The following SLC9A4 variants were observed in gnomAD, a reference collection of about 807,000 sequenced individuals.
The protein encoded by SLC9A4 is sodium/hydrogen exchanger 4.
In SLC9A4, 63 loss-of-function variants were observed where a neutral mutation model predicts 67.4. That is an observed-to-expected ratio of 0.93 (90% CI 0.76 to 1.15). The LOEUF (loss-of-function observed/expected upper bound fraction) is 1.15, where lower values mean the gene tolerates loss of function less well. SLC9A4 is among the 50% of genes most tolerant of loss of function. The pLI, the probability that SLC9A4 is intolerant of heterozygous loss-of-function variation, is 0.00. For synonymous variants in SLC9A4, 393 were observed against 367.2 expected, an observed-to-expected ratio of 1.07 and a Z score of -0.80; for missense variants, 1,089 against 987.7, an observed-to-expected ratio of 1.10 and a Z score of -1.38.
At chr2:102,509,059 G>A in intron 6 of SLC9A4, 126 bp downstream of exon 6, 1 of 785,778 alleles carries the variant, frequency 1.3e-6, no homozygotes, top group Non-Finnish European at 2.1e-6. Context: ...GACTGTATAA[G>A]TTTCCTATGG....
At chr2:102,513,200 T>A (rs1366373125) in intron 7 of SLC9A4, among the ~76,000 whole-genome samples, 1 of 152,070 alleles carries the variant, frequency 6.6e-6, no homozygotes, top group Non-Finnish European at 1.5e-5. Context: ...TCGACCCAGT[T>A]GGAATAAGAG....
At chr2:102,485,078 G>C (rs1212430332) in intron 2 of SLC9A4, among the ~76,000 whole-genome samples, 3 of 152,142 alleles carry the variant, frequency 2.0e-5, no homozygotes, top group Admixed American at 6.5e-5. Context: ...AGTACACAGT[G>C]GTTAAGGACA....
intron 1 of SLC9A4, among the ~76,000 whole-genome samples, chr2:102,478,235 G>A (rs946691809): frequency 3.3e-5 from 5 of 152,194 alleles, no homozygotes; most frequent in Admixed American, 2.6e-4. Flanking sequence ...GAAATGGAGA[G>A]GAGGGGATAG....
rs1293796174 is a variant in SLC9A4, at chr2:102,479,040, A to G, written c.458A>G (p.Glu153Gly). The G allele has an allele frequency of 6.2e-7, 1 of 1,613,988 alleles. No individual in the cohort carries two copies. Among genetic ancestry groups the G allele is most frequent in the African/African-American group, 1.3e-5 (1 of 74,926 alleles). ...GYFMPTRPFF[E>G]NIGSILWWAV... ...TTCATGCCCACCCGGCCCTTCTTTG[A>G]GAACATCGGCTCCATCCTGTGGTGG... Residue 153 changes from glutamate to glycine, a missense_variant, in exon 2 of 12, where the codon GAG becomes GGG. Transcript: ENST00000295269.
chr2:102,497,584 G>A (rs6543152), intron 2 of SLC9A4, among the ~76,000 whole-genome samples: 107,436 of 151,762 alleles, frequency 0.71, 38,734 homozygotes, highest in Middle Eastern at 0.77. Context: ...CCCGAAAAAA[G>A]GAGTTCATAA....
intron 11 of SLC9A4, among the ~76,000 whole-genome samples, chr2:102,530,676 G>C (rs746988582): frequency 6.6e-6 from 1 of 152,158 alleles, no homozygotes; most frequent in Non-Finnish European, 1.5e-5. Flanking sequence ...CCAGGCCATT[G>C]TTTCCTTAGC....
At chr2:102,496,759 A>T (rs552370059) in intron 2 of SLC9A4, among the ~76,000 whole-genome samples, 1 of 152,364 alleles carries the variant, frequency 6.6e-6, no homozygotes, top group African/African-American at 2.4e-5. Flanking sequence ...TCAAGGGCAC[A>T]ATTTATAGTA....
chr2:102,487,965 T>G (rs76499866), intron 2 of SLC9A4, among the ~76,000 whole-genome samples: 2 of 152,252 alleles, frequency 1.3e-5, no homozygotes, highest in Admixed American at 1.3e-4. Flanking sequence ...GCCACAGCTA[T>G]GAACACATGA....
At chr2:102,519,701 G>A (rs1192821726) in intron 8 of SLC9A4, among the ~76,000 whole-genome samples, 158 bp from the exon 9 acceptor site, 1 of 152,186 alleles carries the variant, frequency 6.6e-6, no homozygotes, top group Admixed American at 6.5e-5. Context: ...CATGTGTTTT[G>A]ACATCAAACC....
chr2:102,474,662 C>T (rs901045386), intron 1 of SLC9A4, among the ~76,000 whole-genome samples: 1 of 152,136 alleles, frequency 6.6e-6, no homozygotes, highest in African/African-American at 2.4e-5. Flanking sequence ...AGATTAAATT[C>T]CAATCAAGGG....
chr2:102,483,799 C>CATATATATATAT (rs61195337), intron 2 of SLC9A4, among the ~76,000 whole-genome samples: 6 of 114,290 alleles, frequency 5.2e-5, no homozygotes, highest in East Asian at 6.9e-4. Context: ...CCATGTACAG[C>CATATATATATAT]ATATATATAT....
chr2:102,500,537 G>T (rs1684908855), intron 2 of SLC9A4, among the ~76,000 whole-genome samples: 1 of 152,024 alleles, frequency 6.6e-6, no homozygotes, highest in African/African-American at 2.4e-5. Context: ...TCCTCGTGTG[G>T]CCTCCCCCGT....
intron 1 of SLC9A4, among the ~76,000 whole-genome samples, chr2:102,476,976 T>C (rs1485936196): frequency 6.6e-6 from 1 of 152,160 alleles, no homozygotes; most frequent in African/African-American, 2.4e-5. Flanking sequence ...TGGTGATAAT[T>C]ATACCCTGTT....
At chr2:102,477,127 C>T (rs376480361) in intron 1 of SLC9A4, among the ~76,000 whole-genome samples, 11 of 152,282 alleles carry the variant, frequency 7.2e-5, no homozygotes, top group South Asian at 2.1e-4. Flanking sequence ...GGAAGTCCAC[C>T]GCCTTCCTTA....
chr2:102,484,369 G>A (rs1199073995), intron 2 of SLC9A4, among the ~76,000 whole-genome samples: 4 of 152,174 alleles, frequency 2.6e-5, no homozygotes, highest in Non-Finnish European at 5.9e-5. Context: ...AGTGAGTGAA[G>A]CCAGTGTTCT....
chr2:102,531,729 C>T (rs914532894), intron 11 of SLC9A4, among the ~76,000 whole-genome samples: 3 of 152,152 alleles, frequency 2.0e-5, no homozygotes, highest in Admixed American at 2.0e-4. Flanking sequence ...AGTAAATTAT[C>T]AGGAAAGGGA....
rs764215764 is a variant in SLC9A4, at chr2:102,479,302, G to A, written c.720G>A (p.Val240=). 6.2e-7 allele frequency: 1 copy of A among 1,603,070 alleles called. No individual in the cohort carries two copies. The highest frequency in any genetic ancestry group is 8.5e-7 in the Non-Finnish European group (1 of 1,174,396). Residue 240 remains valine (V), a splice_region_variant and synonymous_variant, in exon 2 of 12, where the codon GTG becomes GTA. Coordinates refer to ENST00000295269, the MANE Select transcript of SLC9A4 (RefSeq NM_001011552.4). Reference sequence around the variant, plus strand: ...CCCTGCTCAATGATGGCATTACTGTGGTGAGATGTCATGTGCCCGCCCGGC... The same window carrying A: ...CCCTGCTCAATGATGGCATTACTGTAGTGAGATGTCATGTGCCCGCCCGGC... ...GEALLNDGIT[V]VLYNMLIAFT...
chr2:102,496,338 T>C (rs1346361196), intron 2 of SLC9A4, among the ~76,000 whole-genome samples: 1 of 152,112 alleles, frequency 6.6e-6, no homozygotes, highest in African/African-American at 2.4e-5. Context: ...TCCATTCAAA[T>C]GACTAGAATT....
At chr2:102,523,485 C>A (rs564409958) in intron 9 of SLC9A4, among the ~76,000 whole-genome samples, 33 of 152,258 alleles carry the variant, frequency 2.2e-4, no homozygotes, top group African/African-American at 7.2e-4. Flanking sequence ...TCAGTGAGGG[C>A]CCATTATAAA....
Sources: allele counts gnomAD v4.1 joint callset (sites outside exome capture counted in the v4.1 genomes callset), GRCh38; gene constraint gnomAD v4.1.1; transcripts MANE v1.5; gene names NCBI Gene and HGNC (gene_info 2026-07-23, HGNC 2026-07-21).